Variants in TRPC5OS observed in about 807,000 individuals in gnomAD.
The protein encoded by TRPC5OS is TRPC5 opposite strand, also known as putative uncharacterized protein TRPC5OS.
For missense variants in TRPC5OS, 64 were observed against 79.3 expected (o/e 0.81, Z 0.73); for synonymous variants, 30 against 29.3 (o/e 1.02, Z -0.08).
intron 1 of TRPC5OS, among the ~76,000 whole-genome samples, chrX:111,885,083 T>A (rs1924412991): frequency 8.9e-6 from 1 of 112,894 alleles, no homozygotes; most frequent in Middle Eastern, 4.6e-3. Flanking sequence ...CCTAGTCAAC[T>A]CAGTGAAGGT....
rs1399254380 is a variant in TRPC5OS at position 111,891,195 on chromosome X, A to G, written c.-545-4756A>G. On this transcript the variant is annotated intron_variant, in intron 1 of 3. Transcript: ENST00000635763. ...GAACATAATGTGTGCATGTATCTTT[A>G]TGATAGAAGGATTTATATTCCTTTG... is the stretch of plus-strand genomic sequence containing the variant. 4.5e-5 allele frequency among the ~76,000 whole-genome samples: 5 copies of G among 112,015 alleles called. No homozygotes were observed. The East Asian group carries it at 1.4e-3, about 31-fold the overall frequency.
In TRPC5OS at chrX:111,893,085, T is replaced by G. The variant is rs765349863; in HGVS notation, c.-545-2866T>G. Among the ~76,000 whole-genome samples, 444 of 109,161 alleles carry G rather than the reference T, an allele frequency of 4.1e-3. 5 individuals carry two copies. The highest frequency in any genetic ancestry group is 6.3e-3 in the Non-Finnish European group (328 of 52,424). The allele number at this position is 109,161 out of a possible 115,157, so 94.8% of individuals were successfully genotyped here. ...GTTGAAATTCAAATATAGGGTTTTT[T>G]TTTTTTTTTTCGGATACCAGATCCT... On this transcript the variant is annotated intron_variant, in intron 1 of 3. Coordinates refer to ENST00000635763, the MANE Select transcript of TRPC5OS (RefSeq NM_001195578.2).
chrX:111,897,139 A>G (rs1925105252), intron 3 of TRPC5OS, among the ~76,000 whole-genome samples: 1 of 111,636 alleles, frequency 9.0e-6, no homozygotes, highest in Non-Finnish European at 1.9e-5. Flanking sequence ...CTTGGGTCCC[A>G]TTCCTAAGAT....
At chrX:111,898,090 C>T (rs758601763) in intron 3 of TRPC5OS, among the ~76,000 whole-genome samples, 10 of 109,271 alleles carry the variant, frequency 9.2e-5, no homozygotes, top group Admixed American at 2.9e-4. Flanking sequence ...GAGTATATTG[C>T]GGTATCTTAG....
chrX:111,891,257 G>A (rs1490546652), intron 1 of TRPC5OS, among the ~76,000 whole-genome samples: 1 of 111,874 alleles, frequency 8.9e-6, no homozygotes, highest in Non-Finnish European at 1.9e-5. Context: ...GGGTCAAATG[G>A]TATTTCTGTC....
Position 111,876,937 on chromosome X carries a change from C to G in TRPC5OS, c.-546+664C>G, listed in dbSNP as rs769476672. ...CTTAGGTGTCATATTGTGTAGTCAT[C>G]ATGCTCAAATGCCTGGGAGCCTGAG... On this transcript the variant is annotated intron_variant, in intron 1 of 3. Coordinates refer to ENST00000635763, the MANE Select transcript of TRPC5OS (RefSeq NM_001195578.2). Among the ~76,000 whole-genome samples the G allele has an allele frequency of 5.7e-4, 64 of 111,437 alleles. 2 individuals are homozygous for G. Among genetic ancestry groups the G allele is most frequent in the Non-Finnish European group, 7.5e-5 (4 of 53,133 alleles).
At position 111,902,402 on chromosome X, in the gene TRPC5OS, C is replaced by T; in HGVS notation, c.*217C>T. On this transcript the variant is annotated 3_prime_UTR_variant, in exon 4 of 4. Coordinates refer to ENST00000635763, the MANE Select transcript of TRPC5OS (RefSeq NM_001195578.2). ...TTATTCAGAAAGTTCTGTCTTTTGC[C>T]ATGTAGGTCTCCCTTTACCTGTACT... 3.6e-6 allele frequency: 1 copy of T among 275,840 alleles called. No homozygotes were observed. The highest frequency in any genetic ancestry group is 6.3e-6 in the Non-Finnish European group (1 of 158,544). The allele number at this position is 275,840 out of a possible 1,213,427, so 22.7% of individuals were successfully genotyped here. A position where few individuals can be genotyped will look rare whatever the true frequency, so the allele number is the denominator to read the frequency against.
intron 3 of TRPC5OS, among the ~76,000 whole-genome samples, chrX:111,898,251 TTATATATATA>T (rs58112324): frequency 3.2e-5 from 3 of 92,395 alleles, no homozygotes; most frequent in African/African-American, 7.8e-5. Context: ...GTAGGGGTTC[TTATATATATA>T]TATATATATA....
intron 1 of TRPC5OS, among the ~76,000 whole-genome samples, chrX:111,876,821 A>G (rs910742109): frequency 1.8e-5 from 2 of 111,532 alleles, no homozygotes; most frequent in Non-Finnish European, 1.9e-5. Context: ...TCTCAAGGGT[A>G]TGGTGGTGGT....
chrX:111,877,036 C>T (rs186913141), intron 1 of TRPC5OS, among the ~76,000 whole-genome samples: 12 of 111,503 alleles, frequency 1.1e-4, no homozygotes, highest in African/African-American at 3.6e-4. Context: ...TGGATGATCA[C>T]ATTTGTGTTT....
intron 1 of TRPC5OS, among the ~76,000 whole-genome samples, chrX:111,887,446 A>C (rs936333185): frequency 3.6e-5 from 4 of 112,162 alleles, no homozygotes; most frequent in Non-Finnish European, 7.5e-5. Flanking sequence ...CAAGCAGGGC[A>C]TGTCCCCTTC....
chrX:111,882,716 CT>C (rs1182719056), intron 1 of TRPC5OS, among the ~76,000 whole-genome samples: 1 of 112,664 alleles, frequency 8.9e-6, no homozygotes, highest in African/African-American at 3.2e-5. Flanking sequence ...CTAAGCCCAC[CT>C]AAGGCCTACT....
At position 111,891,130 on chromosome X, in the gene TRPC5OS, G is replaced by T. The variant is rs181839971; in HGVS notation, c.-545-4821G>T. On this transcript the variant is annotated intron_variant, in intron 1 of 3. Transcript: ENST00000635763. ...CAATCTACCATTGATGGGCATTTAG[G>T]TTGATTCCATGTCTTTGCTATTGTG... Among the ~76,000 whole-genome samples the T allele has an allele frequency of 3.6e-3, 407 of 112,061 alleles. 2 individuals are homozygous for T. Among genetic ancestry groups the T allele is most frequent in the Non-Finnish European group, 6.8e-3 (360 of 53,213 alleles).
intron 1 of TRPC5OS, among the ~76,000 whole-genome samples, chrX:111,885,796 A>G (rs1319955638): frequency 9.0e-6 from 1 of 111,247 alleles, no homozygotes; most frequent in Non-Finnish European, 1.9e-5. Context: ...TTTACAAACT[A>G]AATCAATAGG....
chrX:111,883,621 A>T (rs978369922), intron 1 of TRPC5OS, among the ~76,000 whole-genome samples: 5 of 112,283 alleles, frequency 4.5e-5, no homozygotes, highest in Non-Finnish European at 9.4e-5. Flanking sequence ...ATAGCCAAGG[A>T]CTAAGCCTAG....
Position 111,900,973 on chromosome X carries a change from G to T in TRPC5OS, c.-310-567G>T, listed in dbSNP as rs749156463. ...TGCAAAGCCCACTAGACACGCAGAT[G>T]AAAATAGTACAACCATGGCTTTAGA... is the stretch of plus-strand genomic sequence containing the variant. On this transcript the variant is annotated intron_variant, in intron 3 of 3. Coordinates refer to ENST00000635763, the MANE Select transcript of TRPC5OS (RefSeq NM_001195578.2). Among the ~76,000 whole-genome samples, 3 of 111,261 alleles carry T rather than the reference G, an allele frequency of 2.7e-5. No homozygotes were observed. The Admixed American group carries it at 2.9e-4, about 11-fold the overall frequency.
At position 111,897,650 on chromosome X, in the gene TRPC5OS, T is replaced by A. The variant is rs148590850; in HGVS notation, c.-311+1155T>A. ...ATCATACAGCATATAATCTTTTGTG[T>A]CTGGCTTCTTTCATTAAGTATAATG... On this transcript the variant is annotated intron_variant, in intron 3 of 3. Transcript: ENST00000635763. 2.8e-3 allele frequency among the ~76,000 whole-genome samples: 319 copies of A among 111,985 alleles called. 1 individual carries two copies. Among genetic ancestry groups the A allele is most frequent in the African/African-American group, 0.01 (310 of 30,912 alleles).
chrX:111,894,079 T>C (rs1924945625), intron 1 of TRPC5OS, among the ~76,000 whole-genome samples: 1 of 111,504 alleles, frequency 9.0e-6, no homozygotes, highest in Admixed American at 9.6e-5. Flanking sequence ...GGGAACACTA[T>C]GGAAAAAAAT....
chrX:111,890,230 G>A (rs1422936632), intron 1 of TRPC5OS, among the ~76,000 whole-genome samples: 1 of 112,368 alleles, frequency 8.9e-6, no homozygotes, highest in Admixed American at 9.4e-5. Context: ...TCCAGGGATG[G>A]TTTAAAGCAA....
Sources: allele counts gnomAD v4.1 joint callset (sites outside exome capture counted in the v4.1 genomes callset), GRCh38; gene constraint gnomAD v4.1.1; transcripts MANE v1.5; gene names NCBI Gene and HGNC (gene_info 2026-07-23, HGNC 2026-07-21).